CCSER1: variants seen among roughly 807,000 people sequenced by gnomAD.
CCSER1 encodes serine-rich coiled-coil domain-containing protein 1.
A neutral mutation model predicts 82.0 loss-of-function variants in CCSER1; 41 were observed. The ratio of observed to expected loss-of-function variants is 0.50; its 90% CI spans 0.39 to 0.65. The LOEUF (loss-of-function observed/expected upper bound fraction) is 0.65. Among genes scored for constraint, CCSER1 ranks in the 30% least tolerant of loss-of-function variants. CCSER1 has a pLI of 0.00. For synonymous variants in CCSER1, 414 were observed against 383.9 expected (o/e 1.08, Z -0.92); for missense variants, 1,119 against 1,064.2 (o/e 1.05, Z -0.72).
At chr4:90,162,071 T>C (rs540904602) in intron 1 of CCSER1, among the ~76,000 whole-genome samples, 1 of 151,936 alleles carries the variant, frequency 6.6e-6, no homozygotes, top group South Asian at 2.1e-4. Context: ...GAAGGTGGAG[T>C]GTGGTAAGGT....
At chr4:90,532,156 A>T (rs900348257) in intron 5 of CCSER1, among the ~76,000 whole-genome samples, 1 of 152,196 alleles carries the variant, frequency 6.6e-6, no homozygotes, top group Non-Finnish European at 1.5e-5. Context: ...ATGACCACAT[A>T]GCCTACTCCA....
rs181319757 is a variant in CCSER1, at chr4:91,492,620, C to A, written c.2218-105952C>A. Among the ~76,000 whole-genome samples, 268 of 152,184 alleles carry A rather than the reference C, an allele frequency of 1.8e-3. 6 individuals are homozygous for A. Among genetic ancestry groups the A allele is most frequent in the Admixed American group, 0.016 (239 of 15,258 alleles). On this transcript the variant is annotated intron_variant, in intron 10 of 10. Coordinates refer to ENST00000509176, the MANE Select transcript of CCSER1 (RefSeq NM_001145065.2). ...TGATGTCATGGCGTGAACTTAAGAA[C>A]ATTATAAGAAGCAGCACATTATTAA...
chr4:90,312,771 C>A, intron 2 of CCSER1, 92 bp from the exon 3 acceptor site: 1 of 972,102 alleles, frequency 1.0e-6, no homozygotes, highest in Non-Finnish European at 1.5e-6. Flanking sequence ...CTTTGAATAA[C>A]ACTAAGAGTT....
chr4:90,614,383 C>T (rs552274839), intron 5 of CCSER1, among the ~76,000 whole-genome samples: 3 of 152,200 alleles, frequency 2.0e-5, no homozygotes, highest in South Asian at 2.1e-4. Context: ...TCTAAATTTA[C>T]GTGAAAAGCT....
intron 10 of CCSER1, among the ~76,000 whole-genome samples, chr4:91,283,749 T>C (rs1483772952): frequency 2.0e-5 from 3 of 152,040 alleles, no homozygotes; most frequent in African/African-American, 7.2e-5. Flanking sequence ...TCCACCATTT[T>C]CTACTGTTAC....
At chr4:91,352,420 G>T (rs945947994) in intron 10 of CCSER1, among the ~76,000 whole-genome samples, 22 of 152,180 alleles carry the variant, frequency 1.4e-4, no homozygotes, top group South Asian at 6.2e-4. Flanking sequence ...CTAAGTTTTT[G>T]TAATTTTAGT....
chr4:90,618,747 C>T (rs917516685), intron 5 of CCSER1, among the ~76,000 whole-genome samples: 2 of 151,844 alleles, frequency 1.3e-5, no homozygotes, highest in Non-Finnish European at 1.5e-5. Context: ...TGATGATTCT[C>T]ATCTTATTCT....
At chr4:90,648,643 G>A (rs1728167499) in intron 6 of CCSER1, among the ~76,000 whole-genome samples, 1 of 152,118 alleles carries the variant, frequency 6.6e-6, no homozygotes, top group African/African-American at 2.4e-5. Context: ...AGCCAAGTGA[G>A]GACAGAGAGA....
intron 7 of CCSER1, among the ~76,000 whole-genome samples, chr4:90,779,664 A>T (rs1057415718): frequency 6.6e-6 from 1 of 152,188 alleles, no homozygotes; most frequent in African/African-American, 2.4e-5. Flanking sequence ...TCCCCTCCCC[A>T]CACAGACATT....
chr4:91,305,760 G>T (rs1745015634), intron 10 of CCSER1, among the ~76,000 whole-genome samples: 1 of 151,466 alleles, frequency 6.6e-6, no homozygotes, highest in Admixed American at 6.6e-5. Context: ...GAGGTTCAAT[G>T]GACTCATAGT....
chr4:90,952,850 G>A (rs1181337704), intron 9 of CCSER1, among the ~76,000 whole-genome samples: 1 of 151,942 alleles, frequency 6.6e-6, no homozygotes. Flanking sequence ...CTAGGCTCCA[G>A]AAGATTCTAT....
At chr4:90,416,894 G>C (rs139183919) in intron 4 of CCSER1, among the ~76,000 whole-genome samples, 53 of 152,198 alleles carry the variant, frequency 3.5e-4, no homozygotes, top group South Asian at 3.1e-3. Flanking sequence ...CATGTTCTTT[G>C]CAGGGACATG....
At chr4:90,986,978 G>A (rs1736629684) in intron 9 of CCSER1, among the ~76,000 whole-genome samples, 1 of 151,540 alleles carries the variant, frequency 6.6e-6, no homozygotes, top group Non-Finnish European at 1.5e-5. Flanking sequence ...GACACGTACT[G>A]TACAAGGCAG....
At chr4:90,745,591 T>C (rs7670480) in intron 7 of CCSER1, among the ~76,000 whole-genome samples, 90,900 of 151,712 alleles carry the variant, frequency 0.6, 27,530 homozygotes, top group African/African-American at 0.68. Context: ...CAATGCACAT[T>C]ACTTTTCCCC....
At chr4:90,581,010 A>G (rs1243293020) in intron 5 of CCSER1, among the ~76,000 whole-genome samples, 1 of 152,148 alleles carries the variant, frequency 6.6e-6, no homozygotes, top group East Asian at 1.9e-4. Context: ...TAATTCCAAA[A>G]TATTTTAGTT....
At chr4:91,085,507 A>C (rs1723289279) in intron 9 of CCSER1, among the ~76,000 whole-genome samples, 1 of 152,086 alleles carries the variant, frequency 6.6e-6, no homozygotes, top group Admixed American at 6.6e-5. Flanking sequence ...TAAAATCCTG[A>C]ATATTTTATA....
At position 91,173,412 on chromosome 4, in the gene CCSER1, G is replaced by A. The variant is rs186452360; in HGVS notation, c.2217+87418G>A. 3.2e-4 allele frequency among the ~76,000 whole-genome samples: 48 copies of A among 152,074 alleles called. No individual in the cohort carries two copies. In the East Asian group the frequency reaches 8.5e-3, roughly 27 times the overall value. On this transcript the variant is annotated intron_variant, in intron 10 of 10. Coordinates refer to ENST00000509176, the MANE Select transcript of CCSER1 (RefSeq NM_001145065.2). ...GATCGAGACCATCTTGGCTAACACG[G>A]TGAAACCCCGTCTCTACTGAAAATA...
intron 5 of CCSER1, among the ~76,000 whole-genome samples, chr4:90,492,863 A>G (rs1768283860): frequency 6.6e-6 from 1 of 152,074 alleles, no homozygotes; most frequent in East Asian, 1.9e-4. Flanking sequence ...TTCTAGTTTT[A>G]TTGCACTGTG....
intron 4 of CCSER1, among the ~76,000 whole-genome samples, chr4:90,418,156 A>G (rs1256852140): frequency 1.3e-5 from 2 of 152,110 alleles, no homozygotes; most frequent in Non-Finnish European, 2.9e-5. Flanking sequence ...GCGATGATGT[A>G]TCTACCTCAT....
Sources: allele counts gnomAD v4.1 joint callset (sites outside exome capture counted in the v4.1 genomes callset), GRCh38; gene constraint gnomAD v4.1.1; transcripts MANE v1.5; gene names NCBI Gene and HGNC (gene_info 2026-07-23, HGNC 2026-07-21).